Variants in ADCY1 observed in about 807,000 individuals in gnomAD.
The protein encoded by ADCY1 is adenylate cyclase 1.
A neutral mutation model predicts 105.4 loss-of-function variants in ADCY1; 28 were observed. That is an observed-to-expected ratio of 0.27 (90% CI 0.20 to 0.36). The LOEUF (loss-of-function observed/expected upper bound fraction) is 0.36. Ranked by LOEUF, ADCY1 falls within the 10% of genes least tolerant of loss-of-function variation. The pLI is 1.00. For missense variants in ADCY1, 977 were observed against 1,434.2 expected, an observed-to-expected ratio of 0.68 and a Z score of 5.15; for synonymous variants, 655 against 623.8, an observed-to-expected ratio of 1.05 and a Z score of -0.75.
Position 45,676,594 on chromosome 7 carries a change from A to G in ADCY1, c.1606-1275A>G, listed in dbSNP as rs577591398. On this transcript the variant is annotated intron_variant, in intron 8 of 19. Coordinates refer to ENST00000297323, the MANE Select transcript of ADCY1 (RefSeq NM_021116.4). ...CAGCCTGGCATTTGGCACCAAGGTG[A>G]TGCCTGGCACCTTGTTACTGTTGAG... is the stretch of plus-strand genomic sequence containing the variant. Among the ~76,000 whole-genome samples, 158 of 152,280 alleles carry G rather than the reference A, an allele frequency of 1.0e-3. 1 individual carries two copies. Among genetic ancestry groups the G allele is most frequent in the Non-Finnish European group, 1.1e-3 (78 of 68,018 alleles).
At chr7:45,670,814 A>G (rs1261420380) in intron 8 of ADCY1, among the ~76,000 whole-genome samples, 1 of 151,850 alleles carries the variant, frequency 6.6e-6, no homozygotes, top group Non-Finnish European at 1.5e-5. Flanking sequence ...GGGTGGACCC[A>G]TGTTCGTCTG....
rs116357548 is a variant in ADCY1 at position 45,647,361 on chromosome 7, C to T, written c.1021-1309C>T. Among the ~76,000 whole-genome samples the T allele has an allele frequency of 9.4e-4, 143 of 152,336 alleles. No individual in the cohort carries two copies. Among genetic ancestry groups the T allele is most frequent in the African/African-American group, 2.7e-3 (113 of 41,580 alleles). ...GTGGGGCACAGATGAGCACAGGGGTCATGAGAGCTGATGATTCTCATTCCA... is the reference window on the plus strand; with the variant it reads ...GTGGGGCACAGATGAGCACAGGGGTTATGAGAGCTGATGATTCTCATTCCA... On this transcript the variant is annotated intron_variant, in intron 4 of 19. Transcript: ENST00000297323. The surrounding 1 kb of genome is among the most constrained non-coding windows in gnomAD (Gnocchi z 4.6).
At chr7:45,646,681 C>A (rs1413557162) in intron 4 of ADCY1, among the ~76,000 whole-genome samples, 1 of 152,230 alleles carries the variant, frequency 6.6e-6, no homozygotes, top group African/African-American at 2.4e-5. Flanking sequence ...TGCTCCCGGG[C>A]CCCTGCCACA....
chr7:45,581,355 A>G (rs1792537709), intron 1 of ADCY1, among the ~76,000 whole-genome samples: 1 of 152,146 alleles, frequency 6.6e-6, no homozygotes, highest in Non-Finnish European at 1.5e-5. Flanking sequence ...ACTTAGTAAA[A>G]CTGAACAGCT....
chr7:45,668,951 G>C (rs778852950), intron 8 of ADCY1, among the ~76,000 whole-genome samples: 1 of 152,182 alleles, frequency 6.6e-6, no homozygotes, highest in Non-Finnish European at 1.5e-5. Flanking sequence ...ATGGTAGTTT[G>C]TATTTCTGTG....
intron 14 of ADCY1, among the ~76,000 whole-genome samples, chr7:45,692,090 T>A (rs1279832926): frequency 6.6e-6 from 1 of 152,188 alleles, no homozygotes; most frequent in Non-Finnish European, 1.5e-5. Context: ...TGGTTCCAGA[T>A]GTATCCTAGC....
At chr7:45,576,281 G>A (rs77239239) in intron 1 of ADCY1, among the ~76,000 whole-genome samples, 5,609 of 152,144 alleles carry the variant, frequency 0.037, 184 homozygotes, top group East Asian at 0.17. Flanking sequence ...GCCCGGCCCC[G>A]GGGGACCAGC....
chr7:45,582,532 G>A (rs1173388669), intron 1 of ADCY1, among the ~76,000 whole-genome samples: 2 of 144,356 alleles, frequency 1.4e-5, no homozygotes, highest in African/African-American at 5.1e-5. Flanking sequence ...CCACTCGGCT[G>A]TGCCCCTCTC....
At chr7:45,609,144 A>G (rs1437993614) in intron 2 of ADCY1, among the ~76,000 whole-genome samples, 1 of 152,206 alleles carries the variant, frequency 6.6e-6, no homozygotes, top group East Asian at 1.9e-4. Context: ...CCCAGAGATC[A>G]TCTGGGATTT....
intron 2 of ADCY1, among the ~76,000 whole-genome samples, chr7:45,606,101 G>A (rs1345120431): frequency 6.6e-6 from 1 of 152,208 alleles, no homozygotes; most frequent in Admixed American, 6.5e-5. Flanking sequence ...AGGAGTGAGA[G>A]TTCTAGTCCC....
chr7:45,640,712 G>T (rs1050254395), intron 4 of ADCY1, among the ~76,000 whole-genome samples: 7 of 152,138 alleles, frequency 4.6e-5, no homozygotes. Flanking sequence ...AGGGACATAT[G>T]TTAAGATGTT....
intron 1 of ADCY1, among the ~76,000 whole-genome samples, chr7:45,588,369 A>G (rs997730712): frequency 6.6e-6 from 1 of 152,166 alleles, no homozygotes. Context: ...AGGGAGCCCC[A>G]GTTCCTTTTA....
chr7:45,641,323 C>G (rs1794519980), intron 4 of ADCY1, among the ~76,000 whole-genome samples: 1 of 152,178 alleles, frequency 6.6e-6, no homozygotes, highest in South Asian at 2.1e-4. Flanking sequence ...TCTGTACATC[C>G]TTTGCTGCTC....
chr7:45,625,032 G>A lies in ADCY1; in HGVS notation c.1020+2289G>A, dbSNP rs143157540. ...TTATGAGGCACCTTATTTCAGCCCA[G>A]TTGCTTTGCAGTTTCTTCCTTTGAT... On this transcript the variant is annotated intron_variant, in intron 4 of 19. Transcript: ENST00000297323. Among the ~76,000 whole-genome samples the A allele has an allele frequency of 3.1e-3, 472 of 152,294 alleles. 2 individuals are homozygous for A. Among genetic ancestry groups the A allele is most frequent in the Middle Eastern group, 6.8e-3 (2 of 294 alleles).
At chr7:45,639,860 A>G (rs1012318650) in intron 4 of ADCY1, among the ~76,000 whole-genome samples, 9 of 152,162 alleles carry the variant, frequency 5.9e-5, no homozygotes, top group African/African-American at 2.2e-4. Flanking sequence ...ACCTGGATCT[A>G]AGTAATCCTG....
intron 4 of ADCY1, 123 bp downstream of exon 4, chr7:45,622,866 A>G: frequency 1.3e-6 from 1 of 747,628 alleles, no homozygotes; most frequent in South Asian, 1.8e-5. Context: ...TTCTTCCAGC[A>G]AGGTTATAAA....
At chr7:45,608,841 C>T (rs1793451678) in intron 2 of ADCY1, among the ~76,000 whole-genome samples, 1 of 151,998 alleles carries the variant, frequency 6.6e-6, no homozygotes, top group South Asian at 2.1e-4. Context: ...GTGGGGACTG[C>T]AGTGGGGCCC....
intron 3 of ADCY1, among the ~76,000 whole-genome samples, chr7:45,613,713 G>A (rs1043750123): frequency 1.3e-5 from 2 of 152,132 alleles, no homozygotes; most frequent in African/African-American, 4.8e-5. Flanking sequence ...TTCACACCTA[G>A]ATACATTTAA....
intron 3 of ADCY1, among the ~76,000 whole-genome samples, chr7:45,616,635 C>T (rs1793745307): frequency 6.6e-6 from 1 of 152,058 alleles, no homozygotes; most frequent in Non-Finnish European, 1.5e-5. Flanking sequence ...GATAAAAATT[C>T]TCAACAAATT....
Sources: allele counts gnomAD v4.1 joint callset (sites outside exome capture counted in the v4.1 genomes callset), GRCh38; gene constraint gnomAD v4.1.1; non-coding constraint Gnocchi (gnomAD v3.1); transcripts MANE v1.5; gene names NCBI Gene and HGNC (gene_info 2026-07-23, HGNC 2026-07-21).